Variants in UNC5D observed in about 807,000 individuals in gnomAD.
UNC5D encodes the protein netrin receptor UNC5D.
A neutral mutation model predicts 105.4 loss-of-function variants in UNC5D; 39 were observed. That is an observed-to-expected ratio of 0.37 (90% CI 0.29 to 0.48). The LOEUF is 0.48. Among genes scored for constraint, UNC5D ranks in the 20% least tolerant of loss-of-function variants. The probability of loss-of-function intolerance (pLI) is 0.98; values close to 1 mark genes in which losing one functional copy is unlikely to be tolerated. For synonymous variants in UNC5D, 452 were observed against 450.4 expected, an observed-to-expected ratio of 1.00 and a Z score of -0.04; for missense variants, 991 against 1,202.4, an observed-to-expected ratio of 0.82 and a Z score of 2.60.
chr8:35,404,807 C>T (rs1016056251), intron 1 of UNC5D, among the ~76,000 whole-genome samples: 1 of 152,076 alleles, frequency 6.6e-6, no homozygotes, highest in Non-Finnish European at 1.5e-5. Context: ...CCAGGCTGGT[C>T]TTGAACTCCT....
intron 1 of UNC5D, among the ~76,000 whole-genome samples, chr8:35,248,803 A>G (rs182535382): frequency 0.014 from 1,348 of 97,468 alleles, 36 homozygotes; most frequent in African/African-American, 0.055. Context: ...ATATAAAAAT[A>G]TAATATATAA....
In UNC5D at chr8:35,594,079, A is replaced by G. The variant is rs192625643; in HGVS notation, c.467-1475A>G. 1.1e-3 allele frequency among the ~76,000 whole-genome samples: 163 copies of G among 152,292 alleles called. 1 individual carries two copies. Among genetic ancestry groups the G allele is most frequent in the African/African-American group, 3.7e-3 (155 of 41,564 alleles). On this transcript the variant is annotated intron_variant, in intron 3 of 16. Coordinates refer to ENST00000404895, the MANE Select transcript of UNC5D (RefSeq NM_080872.4). ...CTGTGGCAATTTACGGTTCCCGGATAGAGGGAAGCTGGCTTTAAAACTCAG... is the reference window on the plus strand; with the variant it reads ...CTGTGGCAATTTACGGTTCCCGGATGGAGGGAAGCTGGCTTTAAAACTCAG...
At chr8:35,656,586 G>A (rs142283808) in intron 4 of UNC5D, among the ~76,000 whole-genome samples, 1 of 152,136 alleles carries the variant, frequency 6.6e-6, no homozygotes, top group Non-Finnish European at 1.5e-5. Context: ...AGAGCATAGA[G>A]AGAGTCACTT....
intron 13 of UNC5D, among the ~76,000 whole-genome samples, chr8:35,753,082 T>C (rs928520062): frequency 6.6e-6 from 1 of 152,190 alleles, no homozygotes; most frequent in African/African-American, 2.4e-5. Context: ...CTCTACCATA[T>C]TCTACCATGG....
intron 4 of UNC5D, among the ~76,000 whole-genome samples, chr8:35,600,764 A>G (rs1453566132): frequency 3.3e-5 from 5 of 152,050 alleles, no homozygotes; most frequent in Non-Finnish European, 7.4e-5. Context: ...GTTCACTCTG[A>G]TGGTGGTTTC....
chr8:35,582,648 A>G (rs1443459597), intron 3 of UNC5D, among the ~76,000 whole-genome samples: 7 of 152,176 alleles, frequency 4.6e-5, no homozygotes, highest in Admixed American at 6.5e-5. Flanking sequence ...TGAGGGAAGA[A>G]CCAAAAAACT....
chr8:35,542,854 A>G lies in UNC5D; in HGVS notation c.104-6438A>G, dbSNP rs552688730. Among the ~76,000 whole-genome samples the G allele has an allele frequency of 1.1e-4, 17 of 152,346 alleles. No individual in the cohort carries two copies. The East Asian group carries it at 2.5e-3, about 22-fold the overall frequency. Reference sequence around the variant, plus strand: ...TAATAAGTTTGGGGATGGAAATCATAGGGATGATAATTGTAATTCTTTCCT... The same window carrying G: ...TAATAAGTTTGGGGATGGAAATCATGGGGATGATAATTGTAATTCTTTCCT... On this transcript the variant is annotated intron_variant, in intron 1 of 16. Transcript: ENST00000404895.
intron 4 of UNC5D, among the ~76,000 whole-genome samples, chr8:35,599,545 A>C (rs1258151665): frequency 6.6e-6 from 1 of 152,172 alleles, no homozygotes; most frequent in African/African-American, 2.4e-5. Flanking sequence ...GTGTTCAATA[A>C]ATACTTATTG....
intron 4 of UNC5D, among the ~76,000 whole-genome samples, chr8:35,652,848 A>G (rs1014410689): frequency 2.7e-5 from 4 of 148,978 alleles, no homozygotes; most frequent in Non-Finnish European, 4.4e-5. Flanking sequence ...TCTGACCTGA[A>G]CTACTTCTTC....
intron 1 of UNC5D, among the ~76,000 whole-genome samples, chr8:35,379,369 C>T (rs1321421036): frequency 6.6e-6 from 1 of 152,172 alleles, no homozygotes; most frequent in East Asian, 1.9e-4. Flanking sequence ...TAAGTTGCCA[C>T]AGCAGCTGCT....
At chr8:35,673,130 T>C (rs1294979691) in intron 4 of UNC5D, among the ~76,000 whole-genome samples, 1 of 152,208 alleles carries the variant, frequency 6.6e-6, no homozygotes, top group African/African-American at 2.4e-5. Flanking sequence ...TAGAGCTAAA[T>C]TGAAGAAACT....
At position 35,554,169 on chromosome 8, in the gene UNC5D, T is replaced by G. The variant is rs142626457; in HGVS notation, c.322+4659T>G. Among the ~76,000 whole-genome samples the G allele has an allele frequency of 9.2e-5, 14 of 152,344 alleles. No individual in the cohort carries two copies. In the East Asian group the frequency reaches 2.7e-3, roughly 29 times the overall value. ...TGGAAGCAATAAGTCCTTTCAGTTG[T>G]TAAAGGCTGCAAACTGCCTTTGGTC... is the stretch of plus-strand genomic sequence containing the variant. On this transcript the variant is annotated intron_variant, in intron 2 of 16. Coordinates refer to ENST00000404895, the MANE Select transcript of UNC5D (RefSeq NM_080872.4).
intron 1 of UNC5D, among the ~76,000 whole-genome samples, chr8:35,389,561 C>T (rs1355510499): frequency 1.3e-5 from 2 of 152,084 alleles, no homozygotes; most frequent in African/African-American, 4.8e-5. Flanking sequence ...TTTCCCCTGC[C>T]TCTTTTATAA....
chr8:35,295,414 T>C (rs1004974250), intron 1 of UNC5D, among the ~76,000 whole-genome samples: 3 of 152,218 alleles, frequency 2.0e-5, no homozygotes, highest in African/African-American at 7.2e-5. Context: ...CAAAAAAATT[T>C]TCCAACATAT....
chr8:35,248,592 T>G (rs1477868807), intron 1 of UNC5D, among the ~76,000 whole-genome samples: 3 of 88,200 alleles, frequency 3.4e-5, no homozygotes, highest in Non-Finnish European at 5.7e-5. Context: ...AATATATAAA[T>G]ATATGTTATA....
chr8:35,610,040 A>T (rs1018219962), intron 4 of UNC5D, among the ~76,000 whole-genome samples: 5 of 152,188 alleles, frequency 3.3e-5, no homozygotes, highest in Admixed American at 3.3e-4. Context: ...TAAAAATAGA[A>T]AGAGCTACCA....
At position 35,724,910 on chromosome 8, in the gene UNC5D, G is replaced by T. The variant is rs145971381; in HGVS notation, c.1304-1242G>T. On this transcript the variant is annotated intron_variant, in intron 9 of 16. Transcript: ENST00000404895. ...AAAGCGCAGCTCCCTGATGGTACCT[G>T]GGTCTTGATACAACACACTCATGCA... Among the ~76,000 whole-genome samples, 242 of 152,204 alleles carry T rather than the reference G, an allele frequency of 1.6e-3. 1 individual carries two copies. The highest frequency in any genetic ancestry group is 5.5e-3 in the African/African-American group (230 of 41,502).
chr8:35,394,405 C>T (rs1032284063), intron 1 of UNC5D, among the ~76,000 whole-genome samples: 1 of 152,026 alleles, frequency 6.6e-6, no homozygotes, highest in Non-Finnish European at 1.5e-5. Flanking sequence ...ATTTACTCTT[C>T]TGTGTGTATG....
intron 4 of UNC5D, among the ~76,000 whole-genome samples, chr8:35,621,599 C>T (rs1821362960): frequency 6.6e-6 from 1 of 151,878 alleles, no homozygotes; most frequent in African/African-American, 2.4e-5. Context: ...GAATCTGCAC[C>T]GTGGTCATTG....
Sources: gnomAD v4.1 joint callset for allele counts (sites outside exome capture counted in the v4.1 genomes callset) on GRCh38, gnomAD v4.1.1 for gene constraint, MANE v1.5 for transcripts, NCBI Gene and HGNC (gene_info 2026-07-23, HGNC 2026-07-21) for gene names.